PIK3AP1: variants seen among roughly 807,000 people sequenced by gnomAD.
PIK3AP1 encodes the protein phosphoinositide 3-kinase adapter protein 1.
Under a neutral mutation model 88.1 loss-of-function variants are expected in PIK3AP1, and 21 were observed. The ratio of observed to expected loss-of-function variants is 0.24; its 90% CI spans 0.17 to 0.34. The LOEUF is 0.34. Ranked by LOEUF, PIK3AP1 falls within the 10% of genes least tolerant of loss-of-function variation. The pLI, the probability that PIK3AP1 is intolerant of heterozygous loss-of-function variation, is 1.00. For synonymous variants in PIK3AP1, 398 were observed against 400.0 expected (o/e 1.00, Z 0.06); for missense variants, 828 against 1,035.7 (o/e 0.80, Z 2.75).
At chr10:96,642,994 A>G (rs1423726230) in intron 8 of PIK3AP1, among the ~76,000 whole-genome samples, 2 of 152,192 alleles carry the variant, frequency 1.3e-5, no homozygotes, top group Non-Finnish European at 2.9e-5. Context: ...TGGTTCTCCA[A>G]GTGTTCTTTT....
chr10:96,649,847 C>T (rs188472216), intron 6 of PIK3AP1, among the ~76,000 whole-genome samples: 22 of 152,320 alleles, frequency 1.4e-4, no homozygotes, highest in Non-Finnish European at 2.6e-4. Flanking sequence ...TGGGTCCCCA[C>T]GGACCCCCTC....
At chr10:96,608,034 C>T (rs1276416091) in intron 14 of PIK3AP1, among the ~76,000 whole-genome samples, 1 of 152,166 alleles carries the variant, frequency 6.6e-6, no homozygotes, top group Non-Finnish European at 1.5e-5. Context: ...ACCAGATGAG[C>T]CAGCCAACCC....
In PIK3AP1 at chr10:96,709,954, C is replaced by T. The variant is rs1306920267; in HGVS notation, c.43G>A (p.Val15Ile). The T allele has an allele frequency of 1.9e-6, 3 of 1,597,400 alleles. No individual in the cohort carries two copies. The highest frequency in any genetic ancestry group is 1.7e-6 in the Non-Finnish European group (2 of 1,167,790). ...CATTCCTCGGCATCCGGGCTGTAGA[C>T]GATGAGGATGTCGCATCCTCTGGGC... is the stretch of plus-strand genomic sequence containing the variant. ...GVPRGCDILI[V>I]YSPDAEEWCQ... Residue 15 changes from valine (V) to isoleucine (I), a missense_variant, in exon 2 of 17, where the codon GTC (valine) becomes ATC (isoleucine). Val to Ile is a conservative substitution (Grantham distance 29). Coordinates refer to ENST00000339364, the MANE Select transcript of PIK3AP1 (RefSeq NM_152309.3).
chr10:96,619,786 G>A (rs951649245), intron 12 of PIK3AP1, among the ~76,000 whole-genome samples: 5 of 152,224 alleles, frequency 3.3e-5, no homozygotes, highest in African/African-American at 9.6e-5. Context: ...GGTGGCCCCT[G>A]GAATGGGCCC....
At chr10:96,655,485 TGA>T (rs971676144) in intron 3 of PIK3AP1, among the ~76,000 whole-genome samples, 2 of 152,144 alleles carry the variant, frequency 1.3e-5, no homozygotes, top group African/African-American at 4.8e-5. Context: ...CCAGCCTGGA[TGA>T]GAGAGACAGA....
chr10:96,645,743 GC>G, intron 7 of PIK3AP1, 81 bp from the exon 8 acceptor site: 1 of 1,257,056 alleles, frequency 8.0e-7, no homozygotes, highest in African/African-American at 1.5e-5. Context: ...GGCACTTGTG[GC>G]CAGCAAAGTA....
At position 96,595,122 on chromosome 10, in the gene PIK3AP1, T is replaced by A. The variant is rs1280675416; in HGVS notation, c.*455A>T. ...TGAATATACAGAAAAGTAGAAGAAT[T>A]ATTTTAAAATTAGGTCACTTATCTT... On this transcript the variant is annotated 3_prime_UTR_variant, in exon 17 of 17. Coordinates refer to ENST00000339364, the MANE Select transcript of PIK3AP1 (RefSeq NM_152309.3). 6.2e-6 allele frequency: 1 copy of A among 160,428 alleles called. No individual in the cohort carries two copies. The highest frequency in any genetic ancestry group is 1.4e-5 in the Non-Finnish European group (1 of 72,984). 9.9% of individuals were successfully genotyped at this position (160,428 alleles called of 1,614,324 possible).
intron 1 of PIK3AP1, among the ~76,000 whole-genome samples, chr10:96,717,306 G>T (rs1027057122): frequency 1.3e-5 from 2 of 150,352 alleles, no homozygotes; most frequent in African/African-American, 4.9e-5. Context: ...GACAGGAAGT[G>T]CCAGAAAGCT....
intron 8 of PIK3AP1, among the ~76,000 whole-genome samples, chr10:96,641,517 T>C (rs1325966682): frequency 1.3e-5 from 2 of 152,132 alleles, no homozygotes; most frequent in Non-Finnish European, 2.9e-5. Context: ...GTTACCACAG[T>C]CAATGGTGGG....
At chr10:96,695,891 A>AT (rs1844212641) in intron 2 of PIK3AP1, among the ~76,000 whole-genome samples, 1 of 152,218 alleles carries the variant, frequency 6.6e-6, no homozygotes, top group Non-Finnish European at 1.5e-5. Context: ...TATCTGGCAC[A>AT]TTTTTAAGTA....
At chr10:96,623,659 G>A in intron 10 of PIK3AP1, 122 bp from the exon 11 acceptor site, 1 of 826,244 alleles carries the variant, frequency 1.2e-6, no homozygotes, top group Non-Finnish European at 1.9e-6. Flanking sequence ...ATTGTAGAAA[G>A]AGGCAATTAA....
chr10:96,606,673 G>T (rs569901038), intron 14 of PIK3AP1, among the ~76,000 whole-genome samples: 7 of 152,228 alleles, frequency 4.6e-5, no homozygotes, highest in Non-Finnish European at 8.8e-5. Flanking sequence ...CCCTTGGTAG[G>T]CTTCTACCAT....
intron 11 of PIK3AP1, among the ~76,000 whole-genome samples, chr10:96,622,342 A>G (rs1422754736): frequency 6.6e-6 from 1 of 152,124 alleles, no homozygotes; most frequent in Non-Finnish European, 1.5e-5. Flanking sequence ...GGAATGAGCT[A>G]CTCGCAGCGA....
At position 96,706,698 on chromosome 10, in the gene PIK3AP1, A is replaced by G. The variant is rs1298722764; in HGVS notation, c.430+2869T>C. Among the ~76,000 whole-genome samples, 4 of 152,204 alleles carry G rather than the reference A, an allele frequency of 2.6e-5. No homozygotes were observed. In the East Asian group the frequency reaches 7.7e-4, roughly 29 times the overall value. On this transcript the variant is annotated intron_variant, in intron 2 of 16. Transcript: ENST00000339364. The stretch of plus-strand genomic sequence containing the variant: ...CATCTGGTTAGCAGCAGAGCCGGGT[A>G]ATGCAGTGTCCCTAACCCTGGTCAA...
intron 3 of PIK3AP1, among the ~76,000 whole-genome samples, chr10:96,654,585 A>G (rs1055490700): frequency 3.3e-5 from 5 of 152,096 alleles, no homozygotes; most frequent in African/African-American, 1.2e-4. Flanking sequence ...GCCAATGAGA[A>G]TGTGTGTCTC....
At chr10:96,605,301 T>A (rs2134185096) in intron 14 of PIK3AP1, among the ~76,000 whole-genome samples, 1 of 152,326 alleles carries the variant, frequency 6.6e-6, no homozygotes, top group Non-Finnish European at 1.5e-5. Context: ...CTGTGTGTTA[T>A]CCAATATGGT....
intron 8 of PIK3AP1, among the ~76,000 whole-genome samples, chr10:96,630,684 GA>G (rs1055243004): frequency 2.7e-5 from 4 of 149,876 alleles, no homozygotes; most frequent in African/African-American, 9.8e-5. Context: ...AAAAAAAAAA[GA>G]AAAAAAAATT....
rs11188846 is a variant in PIK3AP1 at position 96,599,118 on chromosome 10, C to T, written c.2360+3162G>A. Among the ~76,000 whole-genome samples, 459 of 152,120 alleles carry T rather than the reference C, an allele frequency of 3.0e-3. 3 individuals are homozygous for T. Among genetic ancestry groups the T allele is most frequent in the Admixed American group, 6.5e-3 (99 of 15,284 alleles). On this transcript the variant is annotated intron_variant, in intron 16 of 16. Coordinates refer to ENST00000339364, the MANE Select transcript of PIK3AP1 (RefSeq NM_152309.3). ...AGGCACTAGCAGATGGAAAGGAGGG[C>T]GGATCTGACAGCTGAAAGAGCAGCA...
intron 2 of PIK3AP1, among the ~76,000 whole-genome samples, chr10:96,703,730 T>C (rs1844328177): frequency 1.3e-5 from 2 of 152,242 alleles, no homozygotes; most frequent in South Asian, 4.1e-4. Flanking sequence ...TGCACAGGTA[T>C]ATATCACTGC....
Sources: allele counts gnomAD v4.1 joint callset (sites outside exome capture counted in the v4.1 genomes callset), GRCh38; gene constraint gnomAD v4.1.1; transcripts MANE v1.5; gene names NCBI Gene and HGNC (gene_info 2026-07-23, HGNC 2026-07-21).